The following KLF12 variants were observed in gnomAD, a reference collection of about 807,000 sequenced individuals.
The protein encoded by KLF12 is KLF transcription factor 12.
A neutral mutation model predicts 37.8 loss-of-function variants in KLF12; 9 were observed. The ratio of observed to expected loss-of-function variants is 0.24; its 90% confidence interval spans 0.14 to 0.42. The LOEUF is 0.42. KLF12 is among the 10% of genes least tolerant of loss of function. The pLI, the probability that KLF12 is intolerant of heterozygous loss-of-function variation, is 1.00. For synonymous variants in KLF12, 208 were observed against 202.1 expected (o/e 1.03, Z -0.25); for missense variants, 411 against 516.0 (o/e 0.80, Z 1.97).
chr13:74,209,260 C>T, the KLF12 span, among the ~76,000 whole-genome samples: 1 of 151,964 alleles, frequency 6.6e-6, no homozygotes, highest in Non-Finnish European at 1.5e-5. Flanking sequence ...TAATTTCCTT[C>T]CTGCAACATC....
At chr13:74,291,473 A>G in the KLF12 span, among the ~76,000 whole-genome samples, 1 of 152,196 alleles carries the variant, frequency 6.6e-6, no homozygotes, top group African/African-American at 2.4e-5. Context: ...TCTCTGGGCA[A>G]AGTCACATCC....
intron 4 of KLF12, among the ~76,000 whole-genome samples, chr13:73,837,978 G>C (rs1018358383): frequency 6.6e-6 from 1 of 152,166 alleles, no homozygotes; most frequent in African/African-American, 2.4e-5. Flanking sequence ...ACAGAAGCGA[G>C]TCTGTGACAT....
the KLF12 span, among the ~76,000 whole-genome samples, chr13:74,214,826 A>T: frequency 6.6e-6 from 1 of 151,720 alleles, no homozygotes; most frequent in Non-Finnish European, 1.5e-5. Context: ...ATGGAGTCTC[A>T]CTCTGCCACC....
At chr13:74,004,106 T>C (rs1428952259) in intron 1 of KLF12, among the ~76,000 whole-genome samples, 2 of 152,034 alleles carry the variant, frequency 1.3e-5, no homozygotes, top group African/African-American at 4.8e-5. Context: ...AAACACCAGG[T>C]TTTTTAAAGA....
At chr13:74,152,399 C>T in the KLF12 span, among the ~76,000 whole-genome samples, 1 of 152,066 alleles carries the variant, frequency 6.6e-6, no homozygotes, top group Non-Finnish European at 1.5e-5. Context: ...TAGCTTTTAC[C>T]CTTTTACCTT....
chr13:73,877,364 C>T (rs1886762004), intron 3 of KLF12, among the ~76,000 whole-genome samples: 1 of 152,176 alleles, frequency 6.6e-6, no homozygotes, highest in Non-Finnish European at 1.5e-5. Context: ...CTCAGATCAT[C>T]ATTTTGGGTT....
At chr13:73,732,650 C>G (rs1362510316) in intron 6 of KLF12, among the ~76,000 whole-genome samples, 1 of 152,176 alleles carries the variant, frequency 6.6e-6, no homozygotes, top group East Asian at 1.9e-4. Context: ...AGTCCTCCAG[C>G]CGTTTCTCCT....
At chr13:74,250,829 G>A in the KLF12 span, among the ~76,000 whole-genome samples, 8 of 152,050 alleles carry the variant, frequency 5.3e-5, no homozygotes, top group Admixed American at 2.0e-4. Context: ...TCATCACCTC[G>A]AAAAAGCAGC....
At chr13:74,196,436 A>C in the KLF12 span, among the ~76,000 whole-genome samples, 1 of 152,212 alleles carries the variant, frequency 6.6e-6, no homozygotes, top group Admixed American at 6.5e-5. Flanking sequence ...CCAAAGTCAC[A>C]GATACTGTCA....
At chr13:73,817,153 C>T (rs146546790) in intron 4 of KLF12, among the ~76,000 whole-genome samples, 56 of 151,580 alleles carry the variant, frequency 3.7e-4, no homozygotes, top group Admixed American at 6.6e-4. Context: ...CCAACCTCTA[C>T]AAGAAATTTA....
chr13:73,887,651 T>G (rs1048338248), intron 3 of KLF12, among the ~76,000 whole-genome samples: 4 of 73,290 alleles, frequency 5.5e-5, no homozygotes, highest in African/African-American at 1.8e-4. Flanking sequence ...TATTTCTTAA[T>G]AGCAATGCAA....
chr13:74,249,678 GT>G, the KLF12 span, among the ~76,000 whole-genome samples: 1 of 152,120 alleles, frequency 6.6e-6, no homozygotes, highest in African/African-American at 2.4e-5. Context: ...TGATAGTGGT[GT>G]TTTTTTAAAA....
intron 2 of KLF12, among the ~76,000 whole-genome samples, chr13:73,986,103 A>C (rs928369132): frequency 3.9e-5 from 6 of 152,332 alleles, no homozygotes; most frequent in Admixed American, 3.3e-4. Context: ...CAGTTTTATC[A>C]GATACGCTAC....
intron 1 of KLF12, among the ~76,000 whole-genome samples, chr13:74,028,999 A>G (rs1399013241): frequency 6.6e-6 from 1 of 152,114 alleles, no homozygotes. Flanking sequence ...TAGTTTACAT[A>G]GTTCCCTTTT....
rs866177877 is a variant in KLF12 at position 73,839,322 on chromosome 13, C to G, written c.670+6505G>C. ...TTCACCATGTTTCCCAGGCTCATCT[C>G]GAGCTCCTGAGCTCAAGCAATCTGC... On this transcript the variant is annotated intron_variant, in intron 4 of 7. Transcript: ENST00000377669. 2.7e-5 allele frequency among the ~76,000 whole-genome samples: 4 copies of G among 149,744 alleles called. No individual in the cohort carries two copies. In the South Asian group the frequency reaches 8.4e-4, roughly 32 times the overall value.
rs9543429 is a variant in KLF12 at position 73,691,907 on chromosome 13, C to T, written c.*3583G>A. The T allele has an allele frequency of 0.11, 16,149 of 152,568 alleles. 1,083 individuals carry two copies. The highest frequency in any genetic ancestry group is 0.17 in the African/African-American group (7,245 of 41,504). The allele number at this position is 152,568 out of a possible 1,614,324, so 9.5% of individuals were successfully genotyped here. A position where few individuals can be genotyped will look rare whatever the true frequency, so the allele number is the denominator to read the frequency against. The stretch of plus-strand genomic sequence containing the variant: ...TTCCAAATCTGAACCATAATGAAAA[C>T]GGCCTTTCTAATCACCTGGAACTGG... On this transcript the variant is annotated 3_prime_UTR_variant, in exon 8 of 8. Transcript: ENST00000377669.
At chr13:73,889,485 G>A (rs1009782381) in intron 3 of KLF12, among the ~76,000 whole-genome samples, 4 of 152,028 alleles carry the variant, frequency 2.6e-5, no homozygotes, top group African/African-American at 4.8e-5. Context: ...AAATCTAAGA[G>A]GTTAACTTTC....
the KLF12 span, among the ~76,000 whole-genome samples, chr13:74,203,121 A>G: frequency 6.6e-6 from 1 of 152,090 alleles, no homozygotes; most frequent in East Asian, 1.9e-4. Context: ...TAAAAGAGGC[A>G]ATTAGTTTTG....
chr13:73,874,058 C>G (rs1886593840), intron 3 of KLF12, among the ~76,000 whole-genome samples: 1 of 152,112 alleles, frequency 6.6e-6, no homozygotes, highest in Non-Finnish European at 1.5e-5. Context: ...GAGGACTGTT[C>G]ACAGGGGAGA....
Sources: gnomAD v4.1 joint callset for allele counts (sites outside exome capture counted in the v4.1 genomes callset) on GRCh38, gnomAD v4.1.1 for gene constraint, MANE v1.5 for transcripts, NCBI Gene and HGNC (gene_info 2026-07-23, HGNC 2026-07-21) for gene names.